ITK: variants seen among roughly 807,000 people sequenced by gnomAD.
ITK encodes the protein tyrosine-protein kinase ITK/TSK.
A neutral mutation model predicts 87.6 loss-of-function variants in ITK; 45 were observed. The ratio of observed to expected loss-of-function variants is 0.51; its 90% CI spans 0.40 to 0.66. The LOEUF is 0.66. ITK is among the 30% of genes least tolerant of loss of function. The probability of loss-of-function intolerance (pLI) is 0.00; values close to 1 mark genes in which losing one functional copy is unlikely to be tolerated. For missense variants in ITK, 605 were observed against 766.3 expected (o/e 0.79, Z 2.48); for synonymous variants, 303 against 273.6 (o/e 1.11, Z -1.06).
Position 157,252,782 on chromosome 5 carries a change from G to C in ITK, c.*104G>C. ...GCTGCCACCAGCCCAGGACCCTCCA[G>C]AGGCAGCCTGGCCTGTGGCATCAGT... is the stretch of plus-strand genomic sequence containing the variant. On this transcript the variant is annotated 3_prime_UTR_variant, in exon 17 of 17. Coordinates refer to ENST00000422843, the MANE Select transcript of ITK (RefSeq NM_005546.4). 1 of 892,094 alleles carries C rather than the reference G, an allele frequency of 1.1e-6. No homozygotes were observed. The highest frequency in any genetic ancestry group is 1.3e-5 in the South Asian group (1 of 75,692). The allele number at this position is 892,094 out of a possible 1,614,324, so 55.3% of individuals were successfully genotyped here. A position where few individuals can be genotyped will look rare whatever the true frequency, so the allele number is the denominator to read the frequency against.
intron 3 of ITK, among the ~76,000 whole-genome samples, chr5:157,212,679 T>C (rs761822397): frequency 1.3e-5 from 2 of 151,996 alleles, no homozygotes; most frequent in African/African-American, 4.8e-5. Context: ...TAGTGAGATC[T>C]CATCTCTACT....
At chr5:157,239,532 G>A (rs188325537) in intron 9 of ITK, among the ~76,000 whole-genome samples, 133 of 152,156 alleles carry the variant, frequency 8.7e-4, no homozygotes, top group Non-Finnish European at 1.6e-3. Context: ...TCTAGCAGAC[G>A]GTTTAGGTAC....
intron 15 of ITK, among the ~76,000 whole-genome samples, chr5:157,246,865 A>G (rs545322827): frequency 1.5e-4 from 23 of 152,352 alleles, no homozygotes; most frequent in African/African-American, 5.3e-4. Context: ...GTAGGCCATC[A>G]TAAGGAATTA....
intron 7 of ITK, among the ~76,000 whole-genome samples, chr5:157,232,020 GATA>G (rs35540743): frequency 0.016 from 2,485 of 152,210 alleles, 26 homozygotes; most frequent in Non-Finnish European, 0.027. Context: ...CAAAAGTAAA[GATA>G]ATAATATAAT....
rs753127825 is a variant in ITK, at chr5:157,240,192, G to A, written c.982G>A (p.Gly328Arg). ...CATCAACTATCACCAACATAATGGA[G>A]GAGGTAAGCTCTAGAGCAGGGGTGG... ...LLINYHQHNGGGLVTRLRYPV... is the reference protein window; with the variant it reads ...LLINYHQHNGRGLVTRLRYPV... Residue 328 changes from glycine (G) to arginine (R), a missense_variant, in exon 10 of 17, where the codon GGA becomes AGA. Around this residue, in one of 3 missense-constraint regions of ITK, gnomAD observed 464 missense variants for 578.0 expected, o/e 0.80. Transcript: ENST00000422843. The A allele has an allele frequency of 1.9e-6, 3 of 1,614,154 alleles. No individual in the cohort carries two copies. Among genetic ancestry groups the A allele is most frequent in the East Asian group, 2.2e-5 (1 of 44,886 alleles).
intron 8 of ITK, among the ~76,000 whole-genome samples, chr5:157,233,761 G>C (rs1315219125): frequency 6.6e-6 from 1 of 151,456 alleles, no homozygotes; most frequent in African/African-American, 2.4e-5. Context: ...AACAAGTATA[G>C]TTTTGTTATA....
intron 6 of ITK, among the ~76,000 whole-genome samples, chr5:157,225,561 G>A (rs1270307795): frequency 6.6e-6 from 1 of 152,104 alleles, no homozygotes; most frequent in Non-Finnish European, 1.5e-5. Flanking sequence ...TTCTCTTTAA[G>A]TAGGCTTATC....
chr5:157,185,686 A>C (rs1046480137), intron 1 of ITK, among the ~76,000 whole-genome samples: 1 of 151,326 alleles, frequency 6.6e-6, no homozygotes, highest in African/African-American at 2.4e-5. Context: ...TCTCCACAAA[A>C]AAAAAAAAAA....
At chr5:157,193,906 C>T (rs1271249718) in intron 1 of ITK, among the ~76,000 whole-genome samples, 2 of 152,168 alleles carry the variant, frequency 1.3e-5, no homozygotes, top group African/African-American at 4.8e-5. Flanking sequence ...TAGTTAGCAT[C>T]ACTACAAGAA....
chr5:157,193,218 C>A (rs970060438), intron 1 of ITK, among the ~76,000 whole-genome samples: 6 of 152,178 alleles, frequency 3.9e-5, no homozygotes, highest in African/African-American at 1.2e-4. Flanking sequence ...GAGACCCTAT[C>A]TCTCTTTGTT....
intron 4 of ITK, among the ~76,000 whole-genome samples, chr5:157,214,865 T>G (rs1754267683): frequency 1.3e-5 from 2 of 152,192 alleles, no homozygotes; most frequent in African/African-American, 4.8e-5. Flanking sequence ...GATTTCTCCT[T>G]GCCTCCTCTT....
rs1406862045 is a variant in ITK at position 157,248,840 on chromosome 5, T to C, written c.1634-10T>C. 1 of 1,613,964 alleles carries C rather than the reference T, an allele frequency of 6.2e-7. No homozygotes were observed. The highest frequency in any genetic ancestry group is 8.5e-7 in the Non-Finnish European group (1 of 1,179,864). On this transcript the variant is annotated splice_polypyrimidine_tract_variant and intron_variant, in intron 15 of 16. Coordinates refer to ENST00000422843, the MANE Select transcript of ITK (RefSeq NM_005546.4). ...GTCATTCACTGTGCTGTGCTCACCA[T>C]TTCTTGTAGGTGTGCTGATGTGGGA...
chr5:157,181,760 T>C (rs1036539297), intron 1 of ITK, among the ~76,000 whole-genome samples: 2 of 152,250 alleles, frequency 1.3e-5, no homozygotes, highest in Non-Finnish European at 2.9e-5. Flanking sequence ...GAACAAAGTT[T>C]CTGCAGTGCA....
chr5:157,195,229 A>G (rs1401258928), intron 1 of ITK: 1 of 152,188 alleles, frequency 6.6e-6, no homozygotes, highest in East Asian at 1.9e-4. Flanking sequence ...CTAATTCCAA[A>G]CAAGCTCATT....
At chr5:157,246,216 T>A (rs1755017850) in intron 15 of ITK, among the ~76,000 whole-genome samples, 1 of 152,152 alleles carries the variant, frequency 6.6e-6, no homozygotes, top group Non-Finnish European at 1.5e-5. Flanking sequence ...GGGAGTTAAT[T>A]AAAAGTGGAA....
intron 5 of ITK, among the ~76,000 whole-genome samples, chr5:157,219,705 T>C (rs1375916314): frequency 6.6e-6 from 1 of 152,242 alleles, no homozygotes; most frequent in Non-Finnish European, 1.5e-5. Flanking sequence ...ACTGACCTTC[T>C]GCAGACTATT....
At position 157,253,625 on chromosome 5, in the gene ITK, T is replaced by G. The variant is rs1010738640; in HGVS notation, c.*947T>G. On this transcript the variant is annotated 3_prime_UTR_variant, in exon 17 of 17. Transcript: ENST00000422843. ...CCAGCCTCTGGGAATCAGCCCCCCC[T>G]CTCTGCACTATCCGATCCTCATCAA... The G allele has an allele frequency of 4.4e-6, 1 of 227,710 alleles. No individual in the cohort carries two copies. The highest frequency in any genetic ancestry group is 1.8e-4 in the South Asian group (1 of 5,486). The allele number at this position is 227,710 out of a possible 1,614,324, so 14.1% of individuals were successfully genotyped here. A position where few individuals can be genotyped will look rare whatever the true frequency, so the allele number is the denominator to read the frequency against.
At chr5:157,221,621 AC>A (rs1281116007) in intron 5 of ITK, among the ~76,000 whole-genome samples, 3 of 152,162 alleles carry the variant, frequency 2.0e-5, no homozygotes, top group Non-Finnish European at 4.4e-5. Flanking sequence ...GTGTGCCCCT[AC>A]AGAAAGGTAC....
intron 3 of ITK, among the ~76,000 whole-genome samples, chr5:157,212,530 A>G (rs966353579): frequency 9.8e-5 from 15 of 152,308 alleles, no homozygotes; most frequent in South Asian, 4.2e-4. Flanking sequence ...GTAAGAAGTA[A>G]TCAAAATGGG....
Sources: allele counts gnomAD v4.1 joint callset (sites outside exome capture counted in the v4.1 genomes callset), GRCh38; gene constraint gnomAD v4.1.1; regional missense constraint gnomAD v4.1.1; transcripts MANE v1.5; gene names NCBI Gene and HGNC (gene_info 2026-07-23, HGNC 2026-07-21).